Variants in ZNG1E observed in about 807,000 individuals in gnomAD.
The protein encoded by ZNG1E is zinc-regulated GTPase metalloprotein activator 1E.
At chr9:65,684,592 A>T in the ZNG1E span, among the ~76,000 whole-genome samples, 456 of 151,438 alleles carry the variant, frequency 3.0e-3, no homozygotes, top group African/African-American at 0.011. Context: ...ACACACAAGT[A>T]GGTAAATTTT....
the ZNG1E span, chr9:65,733,456 TG>T: frequency 9.4e-7 from 1 of 1,067,794 alleles, no homozygotes; most frequent in East Asian, 2.4e-5. Flanking sequence ...ATAGGTGAAC[TG>T]TGTCATTTTA....
the ZNG1E span, among the ~76,000 whole-genome samples, chr9:65,661,217 T>C: frequency 2.5e-5 from 3 of 120,852 alleles, no homozygotes; most frequent in East Asian, 2.3e-4. Flanking sequence ...GTTAATAAAA[T>C]TGGCTCCGGA....
the ZNG1E span, among the ~76,000 whole-genome samples, chr9:65,684,623 C>A: frequency 1.3e-5 from 2 of 151,396 alleles, no homozygotes; most frequent in African/African-American, 4.8e-5. Flanking sequence ...TCTCTCTATG[C>A]CAGTGCTACT....
At chr9:65,657,249 TG>T in the ZNG1E span, among the ~76,000 whole-genome samples, 3 of 151,438 alleles carry the variant, frequency 2.0e-5, no homozygotes, top group African/African-American at 7.2e-5. Flanking sequence ...ATCAGTATAT[TG>T]AAAAGATATC....
chr9:65,661,750 C>T, the ZNG1E span, among the ~76,000 whole-genome samples: 1 of 152,174 alleles, frequency 6.6e-6, no homozygotes, highest in Non-Finnish European at 1.5e-5. Context: ...TTACCTGGGG[C>T]CTAAGCTAAA....
chr9:65,728,458 A>G, the ZNG1E span, among the ~76,000 whole-genome samples: 2 of 101,864 alleles, frequency 2.0e-5, no homozygotes, highest in Middle Eastern at 9.9e-3. Flanking sequence ...GAAAAGATAA[A>G]TAAAATTGAT....
At chr9:65,673,497 T>G in the ZNG1E span, among the ~76,000 whole-genome samples, 1 of 151,874 alleles carries the variant, frequency 6.6e-6, no homozygotes, top group East Asian at 1.9e-4. Flanking sequence ...AAACTTATTT[T>G]GCTCTCATTG....
At chr9:65,673,677 T>C in the ZNG1E span, among the ~76,000 whole-genome samples, 241 of 152,326 alleles carry the variant, frequency 1.6e-3, no homozygotes, top group Non-Finnish European at 2.7e-3. Flanking sequence ...TAATGGCATA[T>C]GACTGGAGTC....
the ZNG1E span, among the ~76,000 whole-genome samples, chr9:65,671,410 T>C: frequency 6.6e-6 from 1 of 151,864 alleles, no homozygotes; most frequent in Non-Finnish European, 1.5e-5. Flanking sequence ...AACCTCACCT[T>C]TCGGGTTCAA....
the ZNG1E span, among the ~76,000 whole-genome samples, chr9:65,713,584 G>A: frequency 6.6e-6 from 1 of 151,830 alleles, no homozygotes; most frequent in East Asian, 1.9e-4. Context: ...TTGCTTGTCT[G>A]TAAAGTATTT....
At chr9:65,668,298 G>T in the ZNG1E span, among the ~76,000 whole-genome samples, 8 of 148,666 alleles carry the variant, frequency 5.4e-5, no homozygotes, top group African/African-American at 2.0e-4. Flanking sequence ...AGGGGCAAAG[G>T]TAATATTGGA....
chr9:65,719,751 A>G, the ZNG1E span: 2 of 311,864 alleles, frequency 6.4e-6, no homozygotes, highest in Admixed American at 9.9e-5. Context: ...ATGGTAAAGA[A>G]ATTTACTGAC....
chr9:65,699,157 AGGTGATCCACCCGCCTC>A, the ZNG1E span, among the ~76,000 whole-genome samples: 2 of 150,508 alleles, frequency 1.3e-5, no homozygotes, highest in South Asian at 4.2e-4. Context: ...TCCTGACCTC[AGGTGATCCACCCGCCTC>A]GGCCTCCCAA....
chr9:65,704,986 T>C, the ZNG1E span: 1 of 146,212 alleles, frequency 6.8e-6, no homozygotes, highest in Non-Finnish European at 1.5e-5. Flanking sequence ...TATAGAAGTT[T>C]TGTTTTATTT....
chr9:65,658,533 G>A, the ZNG1E span, among the ~76,000 whole-genome samples: 2 of 148,878 alleles, frequency 1.3e-5, no homozygotes, highest in South Asian at 2.1e-4. Flanking sequence ...AATAATTCAA[G>A]AAAATCCAAG....
chr9:65,684,662 C>T, the ZNG1E span, among the ~76,000 whole-genome samples: 2 of 151,758 alleles, frequency 1.3e-5, no homozygotes, highest in Non-Finnish European at 2.9e-5. Context: ...CAGCCTCAGC[C>T]TCAGCTGGGA....
the ZNG1E span, among the ~76,000 whole-genome samples, chr9:65,675,098 G>A: frequency 2.6e-3 from 388 of 150,692 alleles, no homozygotes; most frequent in African/African-American, 9.2e-3. Flanking sequence ...AAGAAAACAG[G>A]GAATGATCAG....
At chr9:65,659,602 AG>A in the ZNG1E span, among the ~76,000 whole-genome samples, 2 of 151,962 alleles carry the variant, frequency 1.3e-5, no homozygotes, top group Non-Finnish European at 2.9e-5. Flanking sequence ...TACATTTGCC[AG>A]TCCCTGTGGA....
the ZNG1E span, among the ~76,000 whole-genome samples, chr9:65,657,720 G>A: frequency 6.6e-6 from 1 of 152,274 alleles, no homozygotes; most frequent in Non-Finnish European, 1.5e-5. Context: ...AGTATAATTG[G>A]CATGTTAGTT....
Sources: gnomAD v4.1 joint callset for allele counts (sites outside exome capture counted in the v4.1 genomes callset) on GRCh38, gnomAD v4.1.1 for gene constraint, MANE v1.5 for transcripts, NCBI Gene and HGNC (gene_info 2026-07-23, HGNC 2026-07-21) for gene names.